Variants in PTPRD observed in about 807,000 individuals in gnomAD.
PTPRD encodes the protein protein tyrosine phosphatase receptor type D, also known as receptor-type tyrosine-protein phosphatase delta.
Under a neutral mutation model 214.5 loss-of-function variants are expected in PTPRD, and 34 were observed. The ratio of observed to expected loss-of-function variants is 0.16; its 90% confidence interval spans 0.12 to 0.21. The LOEUF (loss-of-function observed/expected upper bound fraction) is 0.21, where lower values mean the gene tolerates loss of function less well. Among genes scored for constraint, PTPRD ranks in the 10% least tolerant of loss-of-function variants. PTPRD has a pLI of 1.00. For synonymous variants in PTPRD, 1,128 were observed against 845.7 expected (o/e 1.33, Z -5.79); for missense variants, 2,545 against 2,398.7 (o/e 1.06, Z -1.27).
Position 10,179,935 on chromosome 9 carries a change from T to A in PTPRD, c.-544-146145A>T, listed in dbSNP as rs191886873. On this transcript the variant is annotated intron_variant, in intron 3 of 45. Coordinates refer to ENST00000381196, the MANE Select transcript of PTPRD (RefSeq NM_002839.4). ...AAATTTGATAATCTAGAATATTTCA[T>A]TGAAAGGAAGTCTTAAAAAGGGAAA... Among the ~76,000 whole-genome samples, 118 of 152,126 alleles carry A rather than the reference T, an allele frequency of 7.8e-4. 2 individuals are homozygous for A. The South Asian group carries it at 0.023, about 29-fold the overall frequency.
chr9:9,485,956 G>A (rs1336423951), intron 8 of PTPRD, among the ~76,000 whole-genome samples: 5 of 151,820 alleles, frequency 3.3e-5, no homozygotes, highest in African/African-American at 4.8e-5. Context: ...TTTGAGACCA[G>A]CCTAGCCAAC....
At chr9:9,188,532 A>G (rs1476062771) in intron 9 of PTPRD, among the ~76,000 whole-genome samples, 1 of 152,038 alleles carries the variant, frequency 6.6e-6, no homozygotes. Flanking sequence ...GGTAGAAGTT[A>G]TTTGCTTTGA....
intron 7 of PTPRD, among the ~76,000 whole-genome samples, chr9:9,594,288 C>T (rs375121276): frequency 6.6e-6 from 1 of 151,956 alleles, no homozygotes; most frequent in Non-Finnish European, 1.5e-5. Flanking sequence ...ATTCCTATTA[C>T]TATTTATCTT....
intron 9 of PTPRD, among the ~76,000 whole-genome samples, chr9:9,382,070 G>C (rs1417420671): frequency 6.6e-6 from 1 of 151,986 alleles, no homozygotes; most frequent in East Asian, 1.9e-4. Context: ...ATGCTCTGTA[G>C]TTTTCAGTAT....
intron 8 of PTPRD, among the ~76,000 whole-genome samples, chr9:9,469,812 T>C (rs2146415290): frequency 6.6e-6 from 1 of 152,316 alleles, no homozygotes; most frequent in African/African-American, 2.4e-5. Flanking sequence ...TTGACTTGCT[T>C]ATTTTGTATA....
chr9:10,534,479 G>A (rs541574558), intron 2 of PTPRD, among the ~76,000 whole-genome samples: 1 of 152,094 alleles, frequency 6.6e-6, no homozygotes, highest in Non-Finnish European at 1.5e-5. Flanking sequence ...CATAATTGAA[G>A]GCAAAAGCAA....
intron 14 of PTPRD, among the ~76,000 whole-genome samples, chr9:8,594,876 T>G (rs1382480218): frequency 6.7e-6 from 1 of 149,272 alleles, no homozygotes; most frequent in East Asian, 2.0e-4. Context: ...TTTTTTTTTT[T>G]TTTTGGGACA....
intron 43 of PTPRD, among the ~76,000 whole-genome samples, chr9:8,335,648 T>C (rs1248831582): frequency 5.3e-5 from 8 of 152,144 alleles, no homozygotes; most frequent in Non-Finnish European, 1.0e-4. Context: ...GCCAGGGCAA[T>C]CAGGCAAGAG....
intron 11 of PTPRD, among the ~76,000 whole-genome samples, chr9:8,846,203 G>A (rs2097692111): frequency 6.6e-6 from 1 of 152,044 alleles, no homozygotes; most frequent in African/African-American, 2.4e-5. Flanking sequence ...AATTACAGAG[G>A]AGCAATAGAC....
chr9:9,453,626 T>C (rs1194153924), intron 8 of PTPRD, among the ~76,000 whole-genome samples: 1 of 151,676 alleles, frequency 6.6e-6, no homozygotes. Context: ...AGTGCAGGAA[T>C]ATGAGGTGTA....
chr9:10,078,341 T>C (rs1440392292), intron 3 of PTPRD, among the ~76,000 whole-genome samples: 1 of 125,122 alleles, frequency 8.0e-6, no homozygotes. Flanking sequence ...TGAAACCCCA[T>C]CTCTTCCAAA....
At chr9:8,640,084 C>T (rs72698271) in intron 12 of PTPRD, among the ~76,000 whole-genome samples, 1 of 152,044 alleles carries the variant, frequency 6.6e-6, no homozygotes, top group Non-Finnish European at 1.5e-5. Context: ...CCACACACCA[C>T]CATGCCTGGG....
chr9:10,579,685 A>C (rs770621396), intron 2 of PTPRD, among the ~76,000 whole-genome samples: 12 of 152,198 alleles, frequency 7.9e-5, no homozygotes, highest in Non-Finnish European at 1.8e-4. Context: ...AGAAATCTCC[A>C]AACTGCTTTC....
At chr9:10,512,061 T>G (rs531604511) in intron 2 of PTPRD, among the ~76,000 whole-genome samples, 2 of 146,646 alleles carry the variant, frequency 1.4e-5, no homozygotes, top group Non-Finnish European at 3.0e-5. Flanking sequence ...CGTATATATA[T>G]ATGAAGTAAA....
chr9:9,916,743 T>C (rs1305652743), intron 5 of PTPRD, among the ~76,000 whole-genome samples: 3 of 152,014 alleles, frequency 2.0e-5, no homozygotes, highest in Non-Finnish European at 2.9e-5. Flanking sequence ...GGATCTAATT[T>C]ACAAAACATT....
chr9:9,510,285 CT>C (rs776621266), intron 8 of PTPRD, among the ~76,000 whole-genome samples: 4 of 151,184 alleles, frequency 2.6e-5, no homozygotes, highest in South Asian at 2.1e-4. Flanking sequence ...AATAGTATCT[CT>C]TTTTTTTAAC....
chr9:10,459,006 C>T lies in PTPRD; in HGVS notation c.-599-117989G>A, dbSNP rs1171194780. ...TGGTGGTTTGCTGCACCTATCAACC[C>T]GTCATCTACATTAGGTATTTCTCCT... is the stretch of plus-strand genomic sequence containing the variant. On this transcript the variant is annotated intron_variant, in intron 2 of 45. Coordinates refer to ENST00000381196, the MANE Select transcript of PTPRD (RefSeq NM_002839.4). Among the ~76,000 whole-genome samples the T allele has an allele frequency of 3.3e-5, 5 of 152,150 alleles. No homozygotes were observed. The East Asian group carries it at 5.8e-4, about 18-fold the overall frequency.
intron 6 of PTPRD, among the ~76,000 whole-genome samples, chr9:9,764,984 A>G (rs1044006820): frequency 4.6e-5 from 7 of 152,168 alleles, no homozygotes; most frequent in African/African-American, 1.7e-4. Context: ...GCATTGTGCT[A>G]TGTTTGATTA....
At chr9:10,366,545 T>C (rs1201002924) in intron 2 of PTPRD, among the ~76,000 whole-genome samples, 2 of 152,180 alleles carry the variant, frequency 1.3e-5, no homozygotes, top group Non-Finnish European at 2.9e-5. Context: ...ATTGTTATAC[T>C]TAAGACTAAA....
Sources: allele counts gnomAD v4.1 joint callset (sites outside exome capture counted in the v4.1 genomes callset), GRCh38; gene constraint gnomAD v4.1.1; transcripts MANE v1.5; gene names NCBI Gene and HGNC (gene_info 2026-07-23, HGNC 2026-07-21).